Variants in GOLGA4 observed in about 807,000 individuals in gnomAD.
GOLGA4 encodes the protein golgin A4, also known as golgin subfamily A member 4.
In GOLGA4, 169 loss-of-function variants were observed where a neutral mutation model predicts 265.9. The observed-to-expected ratio is 0.64, with a 90% CI of 0.56 to 0.72. The LOEUF (loss-of-function observed/expected upper bound fraction) is 0.72. Ranked by LOEUF, GOLGA4 falls within the 30% of genes least tolerant of loss-of-function variation. The pLI, the probability that GOLGA4 is intolerant of heterozygous loss-of-function variation, is 0.00. For synonymous variants in GOLGA4, 923 were observed against 855.8 expected, an observed-to-expected ratio of 1.08 and a Z score of -1.37; for missense variants, 2,482 against 2,483.4, an observed-to-expected ratio of 1.00 and a Z score of 0.01.
At chr3:37,340,235 T>C (rs373664079) in intron 20 of GOLGA4, 36 bp downstream of exon 20, 2 of 755,708 alleles carry the variant, frequency 2.6e-6, no homozygotes, top group East Asian at 2.8e-5. Context: ...TTAACTGTTA[T>C]CTTTTATTGG....
intron 20 of GOLGA4, among the ~76,000 whole-genome samples, chr3:37,343,379 C>G (rs1420105268): frequency 4.6e-5 from 7 of 152,060 alleles, no homozygotes; most frequent in African/African-American, 1.7e-4. Flanking sequence ...CCTCGGCCTC[C>G]CAAAGTGCTG....
At chr3:37,291,657 G>A (rs1559389284) in intron 5 of GOLGA4, among the ~76,000 whole-genome samples, 1 of 152,136 alleles carries the variant, frequency 6.6e-6, no homozygotes, top group African/African-American at 2.4e-5. Flanking sequence ...CAAAGAGGGT[G>A]GAGCTCTGTG....
chr3:37,292,494 T>C (rs150653593), intron 5 of GOLGA4, among the ~76,000 whole-genome samples: 4,272 of 152,232 alleles, frequency 0.028, 154 homozygotes, highest in African/African-American at 0.085. Flanking sequence ...GAGACCATCC[T>C]GGCCAACATG....
At chr3:37,288,859 C>T (rs893592532) in intron 4 of GOLGA4, among the ~76,000 whole-genome samples, 7 of 152,064 alleles carry the variant, frequency 4.6e-5, no homozygotes, top group African/African-American at 7.2e-5. Flanking sequence ...TTGATGTGTT[C>T]CACACATTAT....
chr3:37,247,588 G>A (rs1445619992), intron 1 of GOLGA4, among the ~76,000 whole-genome samples: 1 of 152,206 alleles, frequency 6.6e-6, no homozygotes, highest in African/African-American at 2.4e-5. Context: ...TGCATAACAA[G>A]TTACCACAAC....
At chr3:37,328,272 A>ACTCT (rs2096978652) in intron 14 of GOLGA4, 144 bp from the exon 15 acceptor site, 1 of 694,522 alleles carries the variant, frequency 1.4e-6, no homozygotes, top group Non-Finnish European at 2.5e-6. Flanking sequence ...ACACACACTC[A>ACTCT]CTCTCACACT....
chr3:37,251,583 A>G (rs1476791954), intron 2 of GOLGA4, 99 bp downstream of exon 2: 7 of 682,574 alleles, frequency 1.0e-5, no homozygotes, highest in South Asian at 3.6e-5. Flanking sequence ...CAGGTCAGCT[A>G]TTTAATTCCT....
intron 9 of GOLGA4, among the ~76,000 whole-genome samples, chr3:37,300,612 C>T (rs551770291): frequency 1.3e-5 from 2 of 152,240 alleles, no homozygotes; most frequent in East Asian, 3.9e-4. Context: ...CTTGTTTCAT[C>T]TGTACCTTCT....
intron 23 of GOLGA4, among the ~76,000 whole-genome samples, chr3:37,361,651 T>G (rs1385922996): frequency 1.3e-5 from 2 of 152,260 alleles, no homozygotes; most frequent in Admixed American, 1.3e-4. Flanking sequence ...AAATTATGAT[T>G]GTGAGAGAGA....
intron 11 of GOLGA4, among the ~76,000 whole-genome samples, chr3:37,316,800 A>G (rs2096938793): frequency 6.6e-6 from 1 of 150,418 alleles, no homozygotes; most frequent in Non-Finnish European, 1.5e-5. Flanking sequence ...CTCTTCTCTG[A>G]TTTTTTTTTC....
At chr3:37,319,443 A>G (rs1559422197) in intron 12 of GOLGA4, 1 of 224,210 alleles carries the variant, frequency 4.5e-6, no homozygotes. Flanking sequence ...TGCCTAGGCT[A>G]GAGTGCAGTG....
At chr3:37,320,993 C>A (rs1198388937) in intron 12 of GOLGA4, among the ~76,000 whole-genome samples, 2 of 152,104 alleles carry the variant, frequency 1.3e-5, no homozygotes, top group Non-Finnish European at 1.5e-5. Flanking sequence ...TTAAGTAGTG[C>A]ACTTGAGTAT....
rs1317253804 is a variant in GOLGA4, at chr3:37,345,295, T to C, written c.6473-1898T>C. On this transcript the variant is annotated intron_variant, in intron 20 of 23. Coordinates refer to ENST00000361924, the MANE Select transcript of GOLGA4 (RefSeq NM_002078.5). ...CTTAGATGTGATTGTAAATGTAATA[T>C]TTATTTTCTAACTAAATGCATATTT... 3.3e-5 allele frequency among the ~76,000 whole-genome samples: 5 copies of C among 152,366 alleles called. No homozygotes were observed. In the East Asian group the frequency reaches 9.6e-4, roughly 29 times the overall value.
chr3:37,317,651 A>G (rs1395512946), intron 11 of GOLGA4, among the ~76,000 whole-genome samples: 1 of 152,246 alleles, frequency 6.6e-6, no homozygotes, highest in East Asian at 1.9e-4. Context: ...TCCCCCCAAT[A>G]AAGATGGCAT....
At chr3:37,359,276 TGAA>T (rs1304033826) in intron 22 of GOLGA4, among the ~76,000 whole-genome samples, 2 of 152,176 alleles carry the variant, frequency 1.3e-5, no homozygotes, top group African/African-American at 4.8e-5. Context: ...GTGTTTTTAT[TGAA>T]TAAAACTGCC....
chr3:37,362,153 A>G (rs115545411), intron 23 of GOLGA4, among the ~76,000 whole-genome samples: 2,105 of 152,214 alleles, frequency 0.014, 47 homozygotes, highest in African/African-American at 0.049. Context: ...AATAGTATCA[A>G]GGTTTAAAAT....
intron 22 of GOLGA4, among the ~76,000 whole-genome samples, chr3:37,360,771 TCAAA>T (rs1696193366): frequency 6.6e-6 from 1 of 152,310 alleles, no homozygotes; most frequent in East Asian, 1.9e-4. Context: ...TATTCAGTGA[TCAAA>T]TTGACACATT....
intron 22 of GOLGA4, among the ~76,000 whole-genome samples, chr3:37,358,211 T>C (rs1355378900): frequency 6.6e-6 from 1 of 152,180 alleles, no homozygotes; most frequent in African/African-American, 2.4e-5. Context: ...TCTAAAATTT[T>C]TGCTTTTTGA....
chr3:37,276,886 A>C (rs1169477468), intron 2 of GOLGA4, among the ~76,000 whole-genome samples: 2 of 152,188 alleles, frequency 1.3e-5, no homozygotes, highest in Non-Finnish European at 2.9e-5. Flanking sequence ...TTCTTAAAGG[A>C]AAATACACCT....
Sources: gnomAD v4.1 joint callset for allele counts (sites outside exome capture counted in the v4.1 genomes callset) on GRCh38, gnomAD v4.1.1 for gene constraint, MANE v1.5 for transcripts, NCBI Gene and HGNC (gene_info 2026-07-23, HGNC 2026-07-21) for gene names.